LRRC23: variants seen among roughly 807,000 people sequenced by gnomAD.
LRRC23 encodes leucine-rich repeat-containing protein 23.
Under a neutral mutation model 37.7 loss-of-function variants are expected in LRRC23, and 28 were observed. That is an observed-to-expected ratio of 0.74 (90% confidence interval 0.55 to 1.02). The LOEUF is 1.02. Ranked by LOEUF, LRRC23 falls within the 50% of genes least tolerant of loss-of-function variation. The pLI, the probability that LRRC23 is intolerant of heterozygous loss-of-function variation, is 0.00. For missense variants in LRRC23, 377 were observed against 413.2 expected, an observed-to-expected ratio of 0.91 and a Z score of 0.76; for synonymous variants, 161 against 165.4, an observed-to-expected ratio of 0.97 and a Z score of 0.20.
Position 6,913,553 on chromosome 12 carries a change from TTG to T in LRRC23, c.*25-336_*25-335del, listed in dbSNP as rs1406053519. ...GGGGAGAGGCTTTATTTACCTCTGT[TTG>T]TTTTTTTTTTTTTTTTTTTTTTTTT... On this transcript the variant is annotated intron_variant, in intron 7 of 7. Transcript: ENST00000443597. Among the ~76,000 whole-genome samples, 322 of 111,426 alleles carry T rather than the reference TTG, an allele frequency of 2.9e-3. 77 individuals are homozygous for T. Among genetic ancestry groups the T allele is most frequent in the East Asian group, 0.017 (46 of 2,734 alleles). 73.1% of individuals were successfully genotyped at this position (111,426 alleles called of 152,430 possible).
intron 5 of LRRC23, among the ~76,000 whole-genome samples, chr12:6,908,821 T>C (rs12811755): frequency 0.35 from 46,942 of 132,700 alleles, 9,516 homozygotes; most frequent in African/African-American, 0.6. Context: ...TAGACTCTGT[T>C]TCAAAAAAAA....
At position 6,912,795 on chromosome 12, in the gene LRRC23, T is replaced by C; in HGVS notation, c.824T>C (p.Leu275Ser). ...KLRDLPKLRALVLLDNPCTDE... is the reference protein window; with the variant it reads ...KLRDLPKLRASVLLDNPCTDE... Reference sequence around the variant, plus strand: ...CGAGACCTGCCCAAGCTGCGAGCGTTGGTGCTGCTTGATAACCCATGCACG... The same window carrying C: ...CGAGACCTGCCCAAGCTGCGAGCGTCGGTGCTGCTTGATAACCCATGCACG... Residue 275 changes from leucine to serine, a missense_variant, in exon 7 of 8, where the codon TTG becomes TCG. This residue lies in a region of LRRC23 where 266 missense variants were observed against 285.6 expected (regional missense o/e 0.93). Coordinates refer to ENST00000443597, the MANE Select transcript of LRRC23 (RefSeq NM_001135217.2). The C allele has an allele frequency of 6.2e-7, 1 of 1,614,168 alleles. No individual in the cohort carries two copies. Among genetic ancestry groups the C allele is most frequent in the Non-Finnish European group, 8.5e-7 (1 of 1,180,010 alleles).
intron 5 of LRRC23, among the ~76,000 whole-genome samples, chr12:6,908,026 ACC>A (rs1944991432): frequency 5.3e-4 from 81 of 152,160 alleles, no homozygotes; most frequent in Admixed American, 5.2e-3. Flanking sequence ...GGTTCCCATG[ACC>A]TCTTCTCTGG....
Position 6,906,551 on chromosome 12 carries a change from A to C in LRRC23, c.379A>C (p.Ser127Arg). 1 of 1,614,232 alleles carries C rather than the reference A, an allele frequency of 6.2e-7. No homozygotes were observed. Among genetic ancestry groups the C allele is most frequent in the Non-Finnish European group, 8.5e-7 (1 of 1,180,044 alleles). Residue 127 changes from serine to arginine, a missense_variant, in exon 4 of 8, where the codon AGT becomes CGT. Ser to Arg is a moderately radical substitution (Grantham distance 110). Transcript: ENST00000443597. ...WLKADGNRLR[S>R]AQMNELPYLQ... ...CAAGGCTGATGGCAATCGGCTGCGA[A>C]GTGCCCAGATGAATGAACTGCCCTA...
At chr12:6,911,515 G>T (rs929152444) in intron 6 of LRRC23, among the ~76,000 whole-genome samples, 2 of 124,262 alleles carry the variant, frequency 1.6e-5, no homozygotes, top group Non-Finnish European at 3.2e-5. Context: ...TGTGTGTGTG[G>T]AGGGGGGTGA....
At chr12:6,912,451 A>G (rs2238116) in intron 6 of LRRC23, among the ~76,000 whole-genome samples, 56,568 of 151,978 alleles carry the variant, frequency 0.37, 12,226 homozygotes, top group African/African-American at 0.62. Context: ...CTCCCCAGCT[A>G]CAAGACAGGG....
intron 6 of LRRC23, among the ~76,000 whole-genome samples, chr12:6,910,474 C>T (rs919548019): frequency 2.0e-5 from 3 of 151,950 alleles, no homozygotes; most frequent in Non-Finnish European, 4.4e-5. Flanking sequence ...TTTGGGAAGC[C>T]GAAGTGGGCA....
intron 5 of LRRC23, among the ~76,000 whole-genome samples, chr12:6,908,183 C>T (rs1944994955): frequency 1.3e-5 from 2 of 152,114 alleles, no homozygotes; most frequent in African/African-American, 2.4e-5. Flanking sequence ...AAAGCTTTCA[C>T]GTGTTCAGCT....
At chr12:6,913,779 G>A in intron 7 of LRRC23, 112 bp from the exon 8 acceptor site, 2 of 736,250 alleles carry the variant, frequency 2.7e-6, no homozygotes, top group Non-Finnish European at 4.3e-6. Context: ...TAGCCAGGAT[G>A]GTCTGGATCT....
rs1944955048 is a variant in LRRC23 at position 6,906,563 on chromosome 12, A to C, written c.391A>C (p.Asn131His). Residue 131 changes from asparagine (N) to histidine (H), a missense_variant, in exon 4 of 8, where the codon AAT becomes CAT. Transcript: ENST00000443597. Reference protein sequence around the residue: ...DGNRLRSAQMNELPYLQIASF... With the variant: ...DGNRLRSAQMHELPYLQIASF... ...CAATCGGCTGCGAAGTGCCCAGATGAATGAACTGCCCTACCTGCAGATTGC... is the reference window on the plus strand; with the variant it reads ...CAATCGGCTGCGAAGTGCCCAGATGCATGAACTGCCCTACCTGCAGATTGC... The C allele has an allele frequency of 6.2e-7, 1 of 1,614,102 alleles. No homozygotes were observed.
At chr12:6,909,133 AATTATAT>A (rs1441114876) in intron 5 of LRRC23, among the ~76,000 whole-genome samples, 643 of 22,386 alleles carry the variant, frequency 0.029, 54 homozygotes, top group African/African-American at 0.052. Flanking sequence ...TATAATATAT[AATTATAT>A]ATTATATATT....
Position 6,908,844 on chromosome 12 carries a change from T to G in LRRC23, c.622-1046T>G, listed in dbSNP as rs1226714554. Among the ~76,000 whole-genome samples the G allele has an allele frequency of 8.6e-5, 12 of 139,162 alleles. 1 individual carries two copies. The highest frequency in any genetic ancestry group is 1.8e-4 in the Non-Finnish European group (12 of 65,616). 91.3% of individuals were successfully genotyped at this position (139,162 alleles called of 152,430 possible). On this transcript the variant is annotated intron_variant, in intron 5 of 7. Coordinates refer to ENST00000443597, the MANE Select transcript of LRRC23 (RefSeq NM_001135217.2). Reference sequence around the variant, plus strand: ...GTTTCAAAAAAAAAAAAAGAAAGAATCACAGTCAGAAAGAGGGAGTGGGGG... The same window carrying G: ...GTTTCAAAAAAAAAAAAAGAAAGAAGCACAGTCAGAAAGAGGGAGTGGGGG...
chr12:6,908,184 G>A (rs1275730476), intron 5 of LRRC23, among the ~76,000 whole-genome samples: 8 of 152,064 alleles, frequency 5.3e-5, no homozygotes, highest in Admixed American at 3.3e-4. Context: ...AAGCTTTCAC[G>A]TGTTCAGCTA....
At chr12:6,909,755 C>T in intron 5 of LRRC23, 135 bp from the exon 6 acceptor site, 1 of 751,150 alleles carries the variant, frequency 1.3e-6, no homozygotes, top group East Asian at 2.7e-5. Context: ...CTGATCTCTA[C>T]TCACCCCCAC....
At chr12:6,908,596 CAA>C (rs61662814) in intron 5 of LRRC23, among the ~76,000 whole-genome samples, 459 of 30,978 alleles carry the variant, frequency 0.015, 2 homozygotes, top group East Asian at 0.081. Context: ...GACTCCATCT[CAA>C]AAAAAAAAAA....
At chr12:6,906,795 T>C in intron 4 of LRRC23, 133 bp downstream of exon 4, 1 of 992,056 alleles carries the variant, frequency 1.0e-6, no homozygotes, top group Non-Finnish European at 1.5e-6. Context: ...GCAATATGAT[T>C]CATTATGACA....
chr12:6,907,591 C>G, intron 5 of LRRC23, 146 bp downstream of exon 5: 1 of 840,688 alleles, frequency 1.2e-6, no homozygotes, highest in South Asian at 1.4e-5. Flanking sequence ...GTTCCAGATG[C>G]TGTGGAGATA....
At position 6,905,908 on chromosome 12, in the gene LRRC23, G is replaced by A. The variant is rs782375086; in HGVS notation, c.190G>A (p.Gly64Ser). Reference sequence around the variant, plus strand: ...AGGGCTTTCTCTGCTCTGTAAGACAGGCAATGGGCTGGCTCATGCTTATGT... The same window carrying A: ...AGGGCTTTCTCTGCTCTGTAAGACAAGCAATGGGCTGGCTCATGCTTATGT... ...KEGLSLLCKT[G>S]NGLAHAYVKL... Residue 64 changes from glycine to serine, a missense_variant, in exon 3 of 8, where the codon GGC becomes AGC. Gly to Ser is a moderately conservative substitution (Grantham distance 56). Coordinates refer to ENST00000443597, the MANE Select transcript of LRRC23 (RefSeq NM_001135217.2). 6.2e-7 allele frequency: 1 copy of A among 1,614,014 alleles called. No individual in the cohort carries two copies. Among genetic ancestry groups the A allele is most frequent in the East Asian group, 2.2e-5 (1 of 44,860 alleles).
chr12:6,911,413 A>T (rs1945157105), intron 6 of LRRC23, among the ~76,000 whole-genome samples: 1 of 152,086 alleles, frequency 6.6e-6, no homozygotes. Flanking sequence ...TGGGGTGTGT[A>T]TCTGTGCCAT....
Sources: allele counts gnomAD v4.1 joint callset (sites outside exome capture counted in the v4.1 genomes callset), GRCh38; gene constraint gnomAD v4.1.1; regional missense constraint gnomAD v4.1.1; transcripts MANE v1.5; gene names NCBI Gene and HGNC (gene_info 2026-07-23, HGNC 2026-07-21).